The following KLHL1 variants were observed in gnomAD, a reference collection of about 807,000 sequenced individuals.
KLHL1 encodes kelch-like protein 1.
In KLHL1, 47 loss-of-function variants were observed where a neutral mutation model predicts 77.7. The ratio of observed to expected loss-of-function variants is 0.60; its 90% CI spans 0.48 to 0.77. The LOEUF (loss-of-function observed/expected upper bound fraction) is 0.77, where lower values mean the gene tolerates loss of function less well. Among genes scored for constraint, KLHL1 ranks in the 30% least tolerant of loss-of-function variants. The pLI is 0.00. For missense variants in KLHL1, 925 were observed against 910.8 expected (o/e 1.02, Z -0.20); for synonymous variants, 360 against 325.2 (o/e 1.11, Z -1.15).
At chr13:70,036,187 T>A (rs1400442041) in intron 1 of KLHL1, among the ~76,000 whole-genome samples, 1 of 151,990 alleles carries the variant, frequency 6.6e-6, no homozygotes, top group Non-Finnish European at 1.5e-5. Context: ...CAGTTGTATC[T>A]AGGTGGATAT....
intron 4 of KLHL1, among the ~76,000 whole-genome samples, chr13:69,887,769 A>C (rs1881272560): frequency 6.6e-6 from 1 of 152,174 alleles, no homozygotes; most frequent in Non-Finnish European, 1.5e-5. Context: ...TGACTTAGGT[A>C]ATCTGAGACT....
At chr13:69,851,755 T>C (rs907040831) in intron 5 of KLHL1, among the ~76,000 whole-genome samples, 3 of 151,750 alleles carry the variant, frequency 2.0e-5, no homozygotes, top group Non-Finnish European at 4.4e-5. Flanking sequence ...AGCTCCCAAG[T>C]TATCATTTAC....
Position 69,839,111 on chromosome 13 carries a change from G to T in KLHL1, c.1279C>A (p.Gln427Lys). 1 of 1,608,180 alleles carries T rather than the reference G, an allele frequency of 6.2e-7. No individual in the cohort carries two copies. The highest frequency in any genetic ancestry group is 1.1e-5 in the South Asian group (1 of 90,170). The change falls in exon 6 of 11, where the codon CAA (glutamine) becomes AAA (lysine). Residue 427 changes from glutamine (Q) to lysine (K), a missense_variant. Transcript: ENST00000377844. ...HALFKNDLEC[Q>K]KLILEAMKYH... The stretch of plus-strand genomic sequence containing the variant: ...TTCATTGCTTCTAGAATCAGCTTTT[G>T]ACATTCCAGATCATTCTTAAATAAT...
chr13:69,760,943 CAGAG>C (rs1371487022), intron 7 of KLHL1, among the ~76,000 whole-genome samples: 4 of 152,074 alleles, frequency 2.6e-5, no homozygotes, highest in Non-Finnish European at 5.9e-5. Context: ...GCTTTGGAAT[CAGAG>C]AGAAAGTTTA....
intron 6 of KLHL1, among the ~76,000 whole-genome samples, chr13:69,836,864 G>T (rs1385608583): frequency 6.6e-6 from 1 of 150,586 alleles, no homozygotes; most frequent in South Asian, 2.1e-4. Flanking sequence ...CAAAAAAAAT[G>T]CAATAATTAG....
intron 1 of KLHL1, among the ~76,000 whole-genome samples, chr13:70,055,025 G>C (rs937139723): frequency 1.7e-5 from 2 of 116,300 alleles, no homozygotes; most frequent in African/African-American, 3.2e-5. Flanking sequence ...AGACGTAATA[G>C]AAATCTTTCC....
intron 4 of KLHL1, among the ~76,000 whole-genome samples, chr13:69,891,876 C>A (rs947452001): frequency 2.6e-5 from 4 of 151,606 alleles, no homozygotes; most frequent in Admixed American, 6.6e-5. Context: ...GAGAAAGGAG[C>A]CTATAGAAAT....
At chr13:70,029,211 T>C (rs1886030415) in intron 1 of KLHL1, among the ~76,000 whole-genome samples, 2 of 152,070 alleles carry the variant, frequency 1.3e-5, no homozygotes, top group Non-Finnish European at 2.9e-5. Context: ...TTGCGGCCTG[T>C]GATAGGTTTG....
chr13:69,766,459 TC>T (rs1229957542), intron 7 of KLHL1, among the ~76,000 whole-genome samples: 1 of 150,482 alleles, frequency 6.6e-6, no homozygotes, highest in Non-Finnish European at 1.5e-5. Flanking sequence ...TTATTTTATG[TC>T]ACCTAATTTT....
At chr13:69,842,807 T>C (rs1168914805) in intron 5 of KLHL1, among the ~76,000 whole-genome samples, 2 of 151,792 alleles carry the variant, frequency 1.3e-5, no homozygotes, top group African/African-American at 4.8e-5. Context: ...AATGGGTTAA[T>C]GAATAAAGAA....
chr13:69,916,508 C>T (rs906652160), intron 4 of KLHL1, among the ~76,000 whole-genome samples: 29 of 151,692 alleles, frequency 1.9e-4, no homozygotes, highest in African/African-American at 7.0e-4. Flanking sequence ...CCAAACACCA[C>T]ATGTTCTCAC....
intron 4 of KLHL1, among the ~76,000 whole-genome samples, chr13:69,909,531 G>A (rs1410220525): frequency 6.6e-6 from 1 of 151,644 alleles, no homozygotes; most frequent in African/African-American, 2.4e-5. Flanking sequence ...TTCTTTTGGG[G>A]ATAATTTTTT....
At chr13:69,962,179 A>G (rs1056822377) in intron 2 of KLHL1, among the ~76,000 whole-genome samples, 14 of 151,894 alleles carry the variant, frequency 9.2e-5, no homozygotes, top group Non-Finnish European at 1.9e-4. Context: ...AAATTGCTAT[A>G]TAGATTCTTG....
At chr13:69,862,488 G>A (rs1452268220) in intron 5 of KLHL1, among the ~76,000 whole-genome samples, 1 of 152,048 alleles carries the variant, frequency 6.6e-6, no homozygotes, top group African/African-American at 2.4e-5. Context: ...TTGGTTTGTT[G>A]TCATTAAATG....
chr13:70,034,578 T>C (rs958840753), intron 1 of KLHL1, among the ~76,000 whole-genome samples: 1 of 152,166 alleles, frequency 6.6e-6, no homozygotes, highest in Non-Finnish European at 1.5e-5. Context: ...AAAGTTCTCT[T>C]GTCAGAAACA....
chr13:69,853,376 G>A (rs1023855388), intron 5 of KLHL1, among the ~76,000 whole-genome samples: 1 of 151,942 alleles, frequency 6.6e-6, no homozygotes, highest in African/African-American at 2.4e-5. Context: ...GAAGAAGGAT[G>A]TTGTTGCTTC....
chr13:69,886,135 A>C (rs1011188578), intron 4 of KLHL1, among the ~76,000 whole-genome samples: 1 of 152,134 alleles, frequency 6.6e-6, no homozygotes, highest in Non-Finnish European at 1.5e-5. Flanking sequence ...TATCATTTGA[A>C]CATATTGAAT....
At chr13:69,990,772 T>C (rs1181630774) in intron 1 of KLHL1, among the ~76,000 whole-genome samples, 2 of 151,934 alleles carry the variant, frequency 1.3e-5, no homozygotes, top group Non-Finnish European at 2.9e-5. Context: ...AACAAAGAGA[T>C]TCAGGACCTG....
chr13:70,075,452 C>A (rs1463635208), intron 1 of KLHL1, among the ~76,000 whole-genome samples: 2 of 148,660 alleles, frequency 1.3e-5, no homozygotes, highest in African/African-American at 4.9e-5. Flanking sequence ...TAAAAAAAAC[C>A]TTTTTGTTAA....
Sources: allele counts gnomAD v4.1 joint callset (sites outside exome capture counted in the v4.1 genomes callset), GRCh38; gene constraint gnomAD v4.1.1; transcripts MANE v1.5; gene names NCBI Gene and HGNC (gene_info 2026-07-23, HGNC 2026-07-21).